The following PPP4R4 variants were observed in gnomAD, a reference collection of about 807,000 sequenced individuals.
PPP4R4 encodes the protein protein phosphatase 4 regulatory subunit 4.
Under a neutral mutation model 121.8 loss-of-function variants are expected in PPP4R4, and 70 were observed. The observed-to-expected ratio is 0.57, with a 90% confidence interval of 0.47 to 0.70. PPP4R4 has a LOEUF of 0.70. Among genes scored for constraint, PPP4R4 ranks in the 30% least tolerant of loss-of-function variants. The probability of loss-of-function intolerance (pLI) is 0.00; values close to 1 mark genes in which losing one functional copy is unlikely to be tolerated. For missense variants in PPP4R4, 875 were observed against 1,033.6 expected, an observed-to-expected ratio of 0.85 and a Z score of 2.10; for synonymous variants, 348 against 355.7, an observed-to-expected ratio of 0.98 and a Z score of 0.24.
In PPP4R4 at chr14:94,246,399, G is replaced by C. The variant is rs769290579; in HGVS notation, c.1471G>C (p.Glu491Gln). ...CTTGATTCCAGCACTCACAGCTGCT[G>C]AACAGCGAGCTGCAGCCTCTTTAAA... ...PDLIPALTAA[E>Q]QRAAASLKWR... The change falls in exon 14 of 25, where the codon GAA becomes CAA. Residue 491 changes from glutamate (E) to glutamine (Q), a missense_variant. By Grantham distance (29) the Glu-to-Gln change is conservative. Coordinates refer to ENST00000304338, the MANE Select transcript of PPP4R4 (RefSeq NM_058237.2). The C allele has an allele frequency of 9.9e-6, 16 of 1,613,692 alleles. No individual in the cohort carries two copies. In the Admixed American group the frequency reaches 2.3e-4, roughly 24 times the overall value.
intron 3 of PPP4R4, among the ~76,000 whole-genome samples, chr14:94,223,374 TCTTA>T (rs1262966061): frequency 6.6e-6 from 1 of 151,994 alleles, no homozygotes; most frequent in Non-Finnish European, 1.5e-5. Context: ...AGCAATAGAG[TCTTA>T]CTTAACCTGA....
chr14:94,271,295 T>C (rs918248780), intron 23 of PPP4R4, among the ~76,000 whole-genome samples: 3 of 152,090 alleles, frequency 2.0e-5, no homozygotes, highest in African/African-American at 2.4e-5. Context: ...TCCAACAATA[T>C]ATAAAAAGAA....
chr14:94,187,426 T>G (rs1889351215), intron 2 of PPP4R4, among the ~76,000 whole-genome samples: 1 of 152,226 alleles, frequency 6.6e-6, no homozygotes, highest in Non-Finnish European at 1.5e-5. Context: ...TAATTAATTT[T>G]TTAAATTTCA....
At chr14:94,175,846 C>T in intron 1 of PPP4R4, 1 of 568,412 alleles carries the variant, frequency 1.8e-6, no homozygotes, top group Non-Finnish European at 3.1e-6. Context: ...AAAATACAGC[C>T]CCCTCCCCAA....
In PPP4R4 at chr14:94,174,599, G is replaced by A; in HGVS notation, c.117+17G>A. 3.1e-6 allele frequency: 5 copies of A among 1,608,534 alleles called. No individual in the cohort carries two copies. Among genetic ancestry groups the A allele is most frequent in the Non-Finnish European group, 4.2e-6 (5 of 1,177,592 alleles). ...AGCCTCAAGGTGCGCCCCGGGGAGA[G>A]GACCTGCCCTCACGGCGTCCGGCCG... On this transcript the variant is annotated intron_variant, in intron 1 of 24. Transcript: ENST00000304338.
At chr14:94,242,508 A>G (rs755556941) in intron 11 of PPP4R4, 100 bp downstream of exon 11, 5 of 1,158,382 alleles carry the variant, frequency 4.3e-6, no homozygotes, top group Non-Finnish European at 6.0e-6. Flanking sequence ...TAGACTGGAT[A>G]TCTCTTTCAT....
Position 94,197,444 on chromosome 14 carries a change from C to G in PPP4R4, c.192-11020C>G, listed in dbSNP as rs368241802. 2.0e-4 allele frequency among the ~76,000 whole-genome samples: 30 copies of G among 152,186 alleles called. 1 individual carries two copies. The South Asian group carries it at 6.0e-3, about 31-fold the overall frequency. ...TTTTATTATTTTTGTCCTAGTTGCT[C>G]TGTTTTTAATGAGGGATTCAGGAAA... On this transcript the variant is annotated intron_variant, in intron 2 of 24. Coordinates refer to ENST00000304338, the MANE Select transcript of PPP4R4 (RefSeq NM_058237.2).
chr14:94,268,763 G>A (rs571280609), intron 23 of PPP4R4, among the ~76,000 whole-genome samples: 16 of 152,184 alleles, frequency 1.1e-4, no homozygotes, highest in African/African-American at 3.4e-4. Flanking sequence ...ACCAGATCTC[G>A]TGAGACTTAT....
chr14:94,265,761 A>ATACATTTT (rs776191584), intron 21 of PPP4R4, 33 bp from the exon 22 acceptor site: 1 of 1,464,688 alleles, frequency 6.8e-7, no homozygotes, highest in South Asian at 1.2e-5. Context: ...GATGAACTGA[A>ATACATTTT]TACATTTTTC....
chr14:94,224,934 A>G (rs1891614019), intron 3 of PPP4R4, among the ~76,000 whole-genome samples: 1 of 152,182 alleles, frequency 6.6e-6, no homozygotes, highest in Non-Finnish European at 1.5e-5. Context: ...CATATATCAC[A>G]AGGGTTTTGG....
chr14:94,234,149 T>G (rs1455030500), intron 6 of PPP4R4, among the ~76,000 whole-genome samples: 3 of 152,220 alleles, frequency 2.0e-5, no homozygotes, highest in African/African-American at 7.2e-5. Flanking sequence ...TGAGGTTTTA[T>G]GGAGCATGTT....
At chr14:94,276,988 A>T (rs755048111) in intron 24 of PPP4R4, among the ~76,000 whole-genome samples, 1 of 152,150 alleles carries the variant, frequency 6.6e-6, no homozygotes, top group African/African-American at 2.4e-5. Flanking sequence ...TGATTATACG[A>T]TGGAAGTTCC....
At chr14:94,272,163 G>A (rs907271586) in intron 23 of PPP4R4, among the ~76,000 whole-genome samples, 5 of 152,164 alleles carry the variant, frequency 3.3e-5, no homozygotes, top group Non-Finnish European at 7.4e-5. Context: ...ACAAACTGTT[G>A]CGAAGTTTAC....
At chr14:94,251,524 TTGAA>T (rs1244512023) in intron 15 of PPP4R4, among the ~76,000 whole-genome samples, 3 of 152,060 alleles carry the variant, frequency 2.0e-5, no homozygotes, top group Admixed American at 6.5e-5. Flanking sequence ...GCTTATGAAA[TTGAA>T]TGAAATGTTT....
intron 8 of PPP4R4, among the ~76,000 whole-genome samples, chr14:94,238,889 A>C (rs986382507): frequency 2.0e-5 from 3 of 152,358 alleles, no homozygotes; most frequent in Admixed American, 2.0e-4. Flanking sequence ...ACTGCAGTAC[A>C]TGATAAGTGA....
At chr14:94,230,538 T>C (rs746666512) in intron 3 of PPP4R4, 49 bp from the exon 4 acceptor site, 1 of 1,511,150 alleles carries the variant, frequency 6.6e-7, no homozygotes, top group Admixed American at 2.0e-5. Flanking sequence ...AAAATTATAA[T>C]TTGTGATCTC....
chr14:94,256,651 G>A, intron 17 of PPP4R4, 47 bp downstream of exon 17: 1 of 1,477,988 alleles, frequency 6.8e-7, no homozygotes, highest in South Asian at 1.3e-5. Flanking sequence ...CATTAAGGCA[G>A]TAAGAATCTT....
intron 2 of PPP4R4, among the ~76,000 whole-genome samples, chr14:94,192,683 C>G (rs1889663188): frequency 6.6e-6 from 1 of 152,114 alleles, no homozygotes; most frequent in African/African-American, 2.4e-5. Flanking sequence ...CATAGTTGAA[C>G]AGTAGCAAAG....
chr14:94,257,068 T>C (rs1199487686), intron 17 of PPP4R4, among the ~76,000 whole-genome samples: 1 of 152,128 alleles, frequency 6.6e-6, no homozygotes, highest in African/African-American at 2.4e-5. Context: ...CTTGAGATCA[T>C]ATTAGTAAGT....
Sources: allele counts gnomAD v4.1 joint callset (sites outside exome capture counted in the v4.1 genomes callset), GRCh38; gene constraint gnomAD v4.1.1; transcripts MANE v1.5; gene names NCBI Gene and HGNC (gene_info 2026-07-23, HGNC 2026-07-21).